Variants in KIAA2012 observed in about 807,000 individuals in gnomAD.
KIAA2012 encodes uncharacterized protein KIAA2012.
A neutral mutation model predicts 150.6 loss-of-function variants in KIAA2012; 125 were observed. The ratio of observed to expected loss-of-function variants is 0.83; its 90% CI spans 0.72 to 0.96. The LOEUF (loss-of-function observed/expected upper bound fraction) is 0.96. Ranked by LOEUF, KIAA2012 falls within the 40% of genes least tolerant of loss-of-function variation. The pLI, the probability that KIAA2012 is intolerant of heterozygous loss-of-function variation, is 0.00. For missense variants in KIAA2012, 1,219 were observed against 1,354.9 expected (o/e 0.90, Z 1.57); for synonymous variants, 462 against 504.7 (o/e 0.92, Z 1.13).
chr2:202,091,533 A>G (rs1266112008), intron 3 of KIAA2012, among the ~76,000 whole-genome samples: 2 of 152,188 alleles, frequency 1.3e-5, no homozygotes, highest in African/African-American at 2.4e-5. Flanking sequence ...CACTCTGTAG[A>G]TGCTTGAAAA....
At position 202,156,433 on chromosome 2, in the gene KIAA2012, G is replaced by A. The variant is rs1691526463; in HGVS notation, c.2046+1623G>A. 2.0e-5 allele frequency among the ~76,000 whole-genome samples: 3 copies of A among 152,096 alleles called. No individual in the cohort carries two copies. In the South Asian group the frequency reaches 6.2e-4, roughly 32 times the overall value. On this transcript the variant is annotated intron_variant, in intron 14 of 23. Transcript: ENST00000498697. ...TCACCATTCATTAACCAATATTTGA[G>A]CACCTGCTATCTACTATGTGTTTGG...
chr2:202,073,578 C>A lies in KIAA2012; in HGVS notation c.-50C>A. 1 of 1,522,476 alleles carries A rather than the reference C, an allele frequency of 6.6e-7. No homozygotes were observed. Among genetic ancestry groups the A allele is most frequent in the Non-Finnish European group, 8.9e-7 (1 of 1,123,988 alleles). The allele number at this position is 1,522,476 out of a possible 1,614,324, so 94.3% of individuals were successfully genotyped here. On this transcript the variant is annotated 5_prime_UTR_variant, in exon 1 of 24. Coordinates refer to ENST00000498697, the MANE Select transcript of KIAA2012 (RefSeq NM_001277372.4). The stretch of plus-strand genomic sequence containing the variant: ...TCTTGAGGTGTGACCAGATTTCAGC[C>A]TTCAAAACCAAGATGGACTGCCCTT...
At chr2:202,127,468 G>T (rs1690822047) in intron 12 of KIAA2012, among the ~76,000 whole-genome samples, 1 of 152,198 alleles carries the variant, frequency 6.6e-6, no homozygotes, top group Non-Finnish European at 1.5e-5. Flanking sequence ...GAAGTATATA[G>T]AGCTTAAGGG....
chr2:202,192,801 G>A (rs929109372), intron 19 of KIAA2012, among the ~76,000 whole-genome samples: 2 of 152,096 alleles, frequency 1.3e-5, no homozygotes, highest in Non-Finnish European at 2.9e-5. Context: ...CCACCCAGGA[G>A]TGCAGTGGCA....
chr2:202,090,668 G>A (rs1689695119), intron 2 of KIAA2012, 102 bp from the exon 3 acceptor site: 1 of 1,334,398 alleles, frequency 7.5e-7, no homozygotes, highest in East Asian at 2.7e-5. Flanking sequence ...GCACCTTCTG[G>A]GAGTTTCCTG....
chr2:202,084,456 C>T (rs1689517418), intron 2 of KIAA2012, among the ~76,000 whole-genome samples: 1 of 152,288 alleles, frequency 6.6e-6, no homozygotes, highest in East Asian at 1.9e-4. Context: ...CAGAGCAAGT[C>T]CCTCGTTAAA....
At chr2:202,158,188 G>A (rs1029973748) in intron 14 of KIAA2012, among the ~76,000 whole-genome samples, 1 of 152,092 alleles carries the variant, frequency 6.6e-6, no homozygotes, top group Admixed American at 6.6e-5. Flanking sequence ...TAGAGACGGG[G>A]TTTCACCATG....
chr2:202,184,712 C>A, intron 15 of KIAA2012, 41 bp from the exon 16 acceptor site: 1 of 1,389,268 alleles, frequency 7.2e-7, no homozygotes, highest in African/African-American at 1.5e-5. Flanking sequence ...CCTAGGATAA[C>A]TGCCTGTTGT....
At chr2:202,199,762 A>G (rs1692478610) in intron 22 of KIAA2012, among the ~76,000 whole-genome samples, 1 of 152,126 alleles carries the variant, frequency 6.6e-6, no homozygotes, top group South Asian at 2.1e-4. Context: ...ATATGACCCT[A>G]TTAACCCACT....
In KIAA2012 at chr2:202,196,992, C is replaced by G; in HGVS notation, c.3380C>G (p.Ala1127Gly). ...EEAARLALEEATKQAQEQARQ... is the reference protein window; with the variant it reads ...EEAARLALEEGTKQAQEQARQ... ...GCAGCAAGACTGGCTCTGGAAGAAG[C>G]CACGAAACAAGCCCAGGAACAAGCC... The change falls in exon 22 of 24, where the codon GCC becomes GGC. Residue 1127 changes from alanine to glycine, a missense_variant. Transcript: ENST00000498697. 1 of 1,550,566 alleles carries G rather than the reference C, an allele frequency of 6.4e-7. No homozygotes were observed. Among genetic ancestry groups the G allele is most frequent in the Non-Finnish European group, 8.7e-7 (1 of 1,147,002 alleles).
chr2:202,119,642 C>T (rs1033622565), intron 11 of KIAA2012, among the ~76,000 whole-genome samples: 52 of 152,302 alleles, frequency 3.4e-4, no homozygotes, highest in African/African-American at 1.2e-3. Context: ...AACTCTTCCC[C>T]TCCTAAGATG....
chr2:202,109,885 G>T, intron 10 of KIAA2012, 96 bp downstream of exon 10: 2 of 1,139,404 alleles, frequency 1.8e-6, no homozygotes, highest in Non-Finnish European at 2.4e-6. Context: ...TTTCTGAAAG[G>T]CATTCCATTG....
chr2:202,095,177 G>C (rs1575007294), intron 4 of KIAA2012, among the ~76,000 whole-genome samples: 1 of 152,064 alleles, frequency 6.6e-6, no homozygotes, highest in East Asian at 1.9e-4. Context: ...ATGCCCAATT[G>C]CCCATGATCA....
At chr2:202,161,149 A>G (rs1208457945) in intron 14 of KIAA2012, among the ~76,000 whole-genome samples, 1 of 152,222 alleles carries the variant, frequency 6.6e-6, no homozygotes, top group Non-Finnish European at 1.5e-5. Context: ...ATGGTCTGTA[A>G]GACATCAAGT....
chr2:202,073,530 G>C lies in KIAA2012; in HGVS notation c.-98G>C. On this transcript the variant is annotated 5_prime_UTR_variant, in exon 1 of 24. Transcript: ENST00000498697. ...AAGGCCCTGTGTTTGTGGTCTTCTT[G>C]GGCTTGCTGTGAGCTCTGGAAATCT... The C allele has an allele frequency of 9.7e-7, 1 of 1,031,272 alleles. No individual in the cohort carries two copies. Among genetic ancestry groups the C allele is most frequent in the Non-Finnish European group, 1.4e-6 (1 of 698,698 alleles). The allele number at this position is 1,031,272 out of a possible 1,614,324, so 63.9% of individuals were successfully genotyped here.
intron 12 of KIAA2012, among the ~76,000 whole-genome samples, chr2:202,134,213 T>C (rs998182351): frequency 1.3e-5 from 2 of 152,244 alleles, no homozygotes; most frequent in African/African-American, 4.8e-5. Flanking sequence ...TTATGGGGTA[T>C]GTTCCATGAC....
chr2:202,175,755 A>G (rs960180569), intron 15 of KIAA2012, among the ~76,000 whole-genome samples: 1 of 152,250 alleles, frequency 6.6e-6, no homozygotes, highest in African/African-American at 2.4e-5. Context: ...GTATTTTGTT[A>G]TAGCAGCCTG....
chr2:202,128,140 C>T (rs982109105), intron 12 of KIAA2012, among the ~76,000 whole-genome samples: 7 of 152,230 alleles, frequency 4.6e-5, no homozygotes, highest in Admixed American at 6.5e-5. Context: ...CCCTCCCTGC[C>T]GATGGGGTGA....
intron 14 of KIAA2012, among the ~76,000 whole-genome samples, chr2:202,158,909 G>A (rs183669878): frequency 4.6e-5 from 7 of 152,286 alleles, no homozygotes; most frequent in African/African-American, 1.7e-4. Context: ...ATCAAAGGAT[G>A]TGTATGTTAT....
Sources: allele counts gnomAD v4.1 joint callset (sites outside exome capture counted in the v4.1 genomes callset), GRCh38; gene constraint gnomAD v4.1.1; transcripts MANE v1.5; gene names NCBI Gene and HGNC (gene_info 2026-07-23, HGNC 2026-07-21).